CSMD3: variants seen among roughly 807,000 people sequenced by gnomAD.
CSMD3 encodes CUB and Sushi multiple domains 3, also known as CUB and sushi domain-containing protein 3.
Under a neutral mutation model 435.2 loss-of-function variants are expected in CSMD3, and 177 were observed. The ratio of observed to expected loss-of-function variants is 0.41; its 90% CI spans 0.36 to 0.46. CSMD3 has a LOEUF of 0.46. CSMD3 is among the 20% of genes least tolerant of loss of function. The pLI, the probability that CSMD3 is intolerant of heterozygous loss-of-function variation, is 0.34. For synonymous variants in CSMD3, 1,656 were observed against 1,520.5 expected (o/e 1.09, Z -2.07); for missense variants, 4,265 against 4,504.6 (o/e 0.95, Z 1.52).
At chr8:113,211,818 T>G (rs2092838351) in intron 3 of CSMD3, among the ~76,000 whole-genome samples, 1 of 152,202 alleles carries the variant, frequency 6.6e-6, no homozygotes, top group African/African-American at 2.4e-5. Flanking sequence ...AATAGAAGAT[T>G]TCACATGCTA....
intron 22 of CSMD3, among the ~76,000 whole-genome samples, chr8:112,620,251 G>C (rs1833965248): frequency 6.6e-6 from 1 of 152,088 alleles, no homozygotes; most frequent in East Asian, 1.9e-4. Context: ...AAGTAGCTTT[G>C]AAAGACATTT....
intron 22 of CSMD3, among the ~76,000 whole-genome samples, chr8:112,609,608 T>C (rs1833095189): frequency 6.6e-6 from 1 of 151,444 alleles, no homozygotes; most frequent in Non-Finnish European, 1.5e-5. Flanking sequence ...AGTAGGGAGG[T>C]TCCTCAGAAT....
chr8:112,322,629 A>AAG (rs1823106066), intron 45 of CSMD3, among the ~76,000 whole-genome samples: 1 of 152,064 alleles, frequency 6.6e-6, no homozygotes, highest in African/African-American at 2.4e-5. Context: ...TTTGGCTACA[A>AAG]TTCTGACTCT....
rs1006666837 is a variant in CSMD3 at position 112,492,593 on chromosome 8, T to C, written c.5174A>G (p.Tyr1725Cys). 6.2e-7 allele frequency: 1 copy of C among 1,612,564 alleles called. No individual in the cohort carries two copies. Among genetic ancestry groups the C allele is most frequent in the Admixed American group, 1.7e-5 (1 of 60,014 alleles). Residue 1725 changes from tyrosine (Y) to cysteine (C), a missense_variant, in exon 31 of 71, where the codon TAT (tyrosine) becomes TGT (cysteine). Physicochemically the swap from Tyr to Cys is radical, Grantham distance 194. Transcript: ENST00000297405. ...MDYKLGSTVTYYCDAGYVLQG... is the reference protein window; with the variant it reads ...MDYKLGSTVTCYCDAGYVLQG... ...AAGAACATAACCAGCATCACAGTAA[T>C]AGGTGACTGTTGACCCTAATTTATA... is the stretch of plus-strand genomic sequence containing the variant.
chr8:112,734,593 G>T (rs1057142802), intron 13 of CSMD3, among the ~76,000 whole-genome samples: 1 of 151,848 alleles, frequency 6.6e-6, no homozygotes, highest in Non-Finnish European at 1.5e-5. Flanking sequence ...AAAGATTTTT[G>T]TCAGGAAATA....
At chr8:112,573,723 G>T (rs1375251510) in intron 23 of CSMD3, 66 bp from the exon 24 acceptor site, 6 of 1,265,780 alleles carry the variant, frequency 4.7e-6, no homozygotes, top group Non-Finnish European at 6.8e-6. Flanking sequence ...GCATGTATTT[G>T]TATCTATGAA....
intron 19 of CSMD3, among the ~76,000 whole-genome samples, chr8:112,648,699 G>T (rs1012050407): frequency 1.3e-5 from 2 of 152,140 alleles, no homozygotes; most frequent in African/African-American, 4.8e-5. Context: ...AAAGTTAAGC[G>T]TGTTGATGCG....
chr8:112,713,435 C>T (rs957000079), intron 13 of CSMD3, among the ~76,000 whole-genome samples: 3 of 149,970 alleles, frequency 2.0e-5, no homozygotes, highest in African/African-American at 7.4e-5. Flanking sequence ...TGTAAAAAGA[C>T]CGAACCTACT....
intron 38 of CSMD3, among the ~76,000 whole-genome samples, chr8:112,366,957 T>C (rs1290351922): frequency 6.6e-6 from 1 of 152,160 alleles, no homozygotes; most frequent in Non-Finnish European, 1.5e-5. Flanking sequence ...AATTCCATTT[T>C]TAATTCCCTT....
chr8:113,141,584 T>C (rs1225057382), intron 4 of CSMD3, among the ~76,000 whole-genome samples: 1 of 151,040 alleles, frequency 6.6e-6, no homozygotes, highest in Non-Finnish European at 1.5e-5. Context: ...AAAAATTTTA[T>C]ACCTATAATA....
intron 13 of CSMD3, among the ~76,000 whole-genome samples, chr8:112,775,306 A>G (rs937802607): frequency 2.0e-5 from 3 of 151,874 alleles, no homozygotes; most frequent in African/African-American, 7.2e-5. Context: ...AACTGCCTTA[A>G]AAGAAGAACT....
At chr8:112,383,459 GTAAAAAGCAAATTAAAAC>G in intron 37 of CSMD3, 90 bp downstream of exon 37, 1 of 699,514 alleles carries the variant, frequency 1.4e-6, no homozygotes, top group South Asian at 1.6e-5. Context: ...TGTATAGTTT[GTAAAAAGCAAATTAAAAC>G]TACCAAGTAA....
chr8:112,765,337 T>C (rs1008701414), intron 13 of CSMD3, among the ~76,000 whole-genome samples: 2 of 151,528 alleles, frequency 1.3e-5, no homozygotes. Context: ...ACGGAAGGGC[T>C]GGTGGAAGAA....
chr8:113,420,883 G>C (rs2094605878), intron 1 of CSMD3, among the ~76,000 whole-genome samples: 1 of 151,872 alleles, frequency 6.6e-6, no homozygotes, highest in Admixed American at 6.6e-5. Context: ...CCAGCAGGCG[G>C]AGGTTGTAGT....
chr8:112,868,980 A>G (rs1034855916), intron 10 of CSMD3, among the ~76,000 whole-genome samples: 9 of 152,134 alleles, frequency 5.9e-5, no homozygotes, highest in Middle Eastern at 3.2e-3. Flanking sequence ...ATGACAACAA[A>G]AGCATAGGCA....
chr8:113,267,429 C>A (rs2093480370), intron 3 of CSMD3, among the ~76,000 whole-genome samples: 1 of 151,696 alleles, frequency 6.6e-6, no homozygotes, highest in South Asian at 2.1e-4. Flanking sequence ...AGAGTTAAGT[C>A]ATGCCATTTG....
At chr8:112,478,698 C>T (rs998991672) in intron 31 of CSMD3, among the ~76,000 whole-genome samples, 11 of 152,104 alleles carry the variant, frequency 7.2e-5, no homozygotes, top group African/African-American at 2.7e-4. Context: ...GGGGTGGGTC[C>T]GTGGTGAAAC....
At chr8:113,226,647 C>A (rs1456281435) in intron 3 of CSMD3, among the ~76,000 whole-genome samples, 1 of 151,506 alleles carries the variant, frequency 6.6e-6, no homozygotes, top group Non-Finnish European at 1.5e-5. Flanking sequence ...AGTGTTGCTT[C>A]TTGATTGTCA....
At position 112,346,106 on chromosome 8, in the gene CSMD3, T is replaced by A; in HGVS notation, c.6433A>T (p.Ile2145Leu). Reference sequence around the variant, plus strand: ...TTTTTAATACACATACCAAAACCTATGGGTAGATTTATTGTCCATGTGCAA... The same window carrying A: ...TTTTTAATACACATACCAAAACCTAAGGGTAGATTTATTGTCCATGTGCAA... ...LDCTWTINLPIGFGVHLQFVN... is the reference protein window; with the variant it reads ...LDCTWTINLPLGFGVHLQFVN... The change falls in exon 41 of 71, where the codon ATA becomes TTA. Residue 2145 changes from isoleucine (I) to leucine (L), a missense_variant. Physicochemically the swap from Ile to Leu is conservative, Grantham distance 5. This residue lies in a region of CSMD3 where 3,255 missense variants were observed against 3,380.2 expected (regional missense o/e 0.96). Transcript: ENST00000297405. The A allele has an allele frequency of 6.4e-7, 1 of 1,573,288 alleles. No individual in the cohort carries two copies. The highest frequency in any genetic ancestry group is 1.7e-4 in the Middle Eastern group (1 of 5,990).
Sources: allele counts gnomAD v4.1 joint callset (sites outside exome capture counted in the v4.1 genomes callset), GRCh38; gene constraint gnomAD v4.1.1; regional missense constraint gnomAD v4.1.1; transcripts MANE v1.5; gene names NCBI Gene and HGNC (gene_info 2026-07-23, HGNC 2026-07-21).